ASPRV1: variants seen among roughly 807,000 people sequenced by gnomAD.
ASPRV1 encodes the protein retroviral-like aspartic protease 1.
A neutral mutation model predicts 11.0 loss-of-function variants in ASPRV1; 7 were observed. That is an observed-to-expected ratio of 0.64 (90% CI 0.36 to 1.20). The LOEUF is 1.20. Ranked by LOEUF, ASPRV1 falls within the 50% of genes most tolerant of loss-of-function variation. The pLI is 0.02. For missense variants in ASPRV1, 299 were observed against 320.0 expected, an observed-to-expected ratio of 0.93 and a Z score of 0.50; for synonymous variants, 136 against 138.4, an observed-to-expected ratio of 0.98 and a Z score of 0.12.
At chr2:70,058,823 G>T in the ASPRV1 span, among the ~76,000 whole-genome samples, 2 of 150,738 alleles carry the variant, frequency 1.3e-5, no homozygotes, top group Non-Finnish European at 2.9e-5. Context: ...AAAATGCTGG[G>T]ATTACTGGCA....
At chr2:69,956,066 G>C (rs1003456924), downstream of ASPRV1, among the ~76,000 whole-genome samples, 1 of 152,160 alleles carries the variant, frequency 6.6e-6, no homozygotes, top group Non-Finnish European at 1.5e-5. Context: ...GGAACATCTT[G>C]TGCCAGAAAA....
the ASPRV1 span, among the ~76,000 whole-genome samples, chr2:69,946,755 C>A: frequency 6.6e-6 from 1 of 152,110 alleles, no homozygotes; most frequent in Non-Finnish European, 1.5e-5. Context: ...AGTGGTTAAA[C>A]CGAAAGGGGG....
At chr2:70,042,576 T>C in the ASPRV1 span, among the ~76,000 whole-genome samples, 2 of 152,038 alleles carry the variant, frequency 1.3e-5, no homozygotes, top group African/African-American at 2.4e-5. Context: ...CAGAAACTGA[T>C]AGGCAGAGAG....
chr2:69,958,141 G>C (rs1201548968), downstream of ASPRV1, among the ~76,000 whole-genome samples: 1 of 152,198 alleles, frequency 6.6e-6, no homozygotes, highest in Non-Finnish European at 1.5e-5. Context: ...CCAGAGAGCA[G>C]CTGCTCATAG....
At chr2:70,082,504 A>G in the ASPRV1 span, among the ~76,000 whole-genome samples, 1 of 151,974 alleles carries the variant, frequency 6.6e-6, no homozygotes, top group African/African-American at 2.4e-5. Flanking sequence ...TGAGGTCAGG[A>G]GTTCGAGGCC....
the ASPRV1 span, among the ~76,000 whole-genome samples, chr2:70,068,746 C>T: frequency 0.13 from 19,059 of 150,120 alleles, 1,748 homozygotes; most frequent in South Asian, 0.25. Flanking sequence ...CCAGCCTGAC[C>T]AACATGGAGA....
At chr2:69,990,921 G>A in the ASPRV1 span, among the ~76,000 whole-genome samples, 1 of 152,140 alleles carries the variant, frequency 6.6e-6, no homozygotes, top group Non-Finnish European at 1.5e-5. Flanking sequence ...TGGCAGAGAG[G>A]CCATCTTGAG....
At chr2:70,021,972 G>A in the ASPRV1 span, among the ~76,000 whole-genome samples, 1 of 151,830 alleles carries the variant, frequency 6.6e-6, no homozygotes, top group Admixed American at 6.6e-5. Context: ...TCAAAGTGCT[G>A]GGATTACAGG....
the ASPRV1 span, among the ~76,000 whole-genome samples, chr2:70,019,669 A>G: frequency 3.2e-3 from 495 of 152,330 alleles, 1 homozygote; most frequent in African/African-American, 0.011. Context: ...GTACAGAAAG[A>G]CAAGTACCAC....
At chr2:70,073,443 A>C in the ASPRV1 span, among the ~76,000 whole-genome samples, 1 of 150,190 alleles carries the variant, frequency 6.7e-6, no homozygotes, top group East Asian at 1.9e-4. Flanking sequence ...AAATTACTTA[A>C]CTCTACTTGC....
At chr2:69,951,418 C>A in the ASPRV1 span, among the ~76,000 whole-genome samples, 1 of 113,832 alleles carries the variant, frequency 8.8e-6, no homozygotes, top group Non-Finnish European at 1.7e-5. Context: ...AGCAAGACTC[C>A]ATCTCAAAAA....
the ASPRV1 span, among the ~76,000 whole-genome samples, chr2:70,008,059 C>T: frequency 6.6e-6 from 1 of 152,038 alleles, no homozygotes; most frequent in South Asian, 2.1e-4. Context: ...TGGTCTTGAA[C>T]TCCTGACCTC....
the ASPRV1 span, among the ~76,000 whole-genome samples, chr2:70,060,990 A>G: frequency 6.6e-6 from 1 of 152,344 alleles, no homozygotes; most frequent in African/African-American, 2.4e-5. Context: ...ACCAGGAGAG[A>G]AAGACAAACA....
the ASPRV1 span, among the ~76,000 whole-genome samples, chr2:70,055,410 A>C: frequency 6.6e-6 from 1 of 152,256 alleles, no homozygotes; most frequent in Non-Finnish European, 1.5e-5. Context: ...AGACTGGATA[A>C]AGAAAATATG....
At chr2:69,949,313 T>C in the ASPRV1 span, among the ~76,000 whole-genome samples, 1 of 152,072 alleles carries the variant, frequency 6.6e-6, no homozygotes, top group East Asian at 1.9e-4. Context: ...GAATTAACAC[T>C]TTTTAAGAGA....
chr2:69,953,941 C>T, the ASPRV1 span, among the ~76,000 whole-genome samples: 1 of 151,804 alleles, frequency 6.6e-6, no homozygotes, highest in African/African-American at 2.4e-5. Flanking sequence ...TGGTCTCGAA[C>T]TCCTGACCTC....
At chr2:70,013,921 A>C in the ASPRV1 span, among the ~76,000 whole-genome samples, 2 of 152,216 alleles carry the variant, frequency 1.3e-5, no homozygotes, top group African/African-American at 2.4e-5. Context: ...GTATGTTCAC[A>C]TGTAATGGAT....
the ASPRV1 span, among the ~76,000 whole-genome samples, chr2:69,978,906 G>A: frequency 6.6e-6 from 1 of 152,194 alleles, no homozygotes; most frequent in Non-Finnish European, 1.5e-5. Context: ...TTTCTTCTCT[G>A]TGTGGCCAGA....
the ASPRV1 span, among the ~76,000 whole-genome samples, chr2:69,989,623 C>A: frequency 6.6e-6 from 1 of 152,366 alleles, no homozygotes; most frequent in East Asian, 1.9e-4. Context: ...ACAGCCGCCC[C>A]CAGAGTAAAC....
Sources: gnomAD v4.1 joint callset for allele counts (sites outside exome capture counted in the v4.1 genomes callset) on GRCh38, gnomAD v4.1.1 for gene constraint, MANE v1.5 for transcripts, NCBI Gene and HGNC (gene_info 2026-07-23, HGNC 2026-07-21) for gene names.